Variants in VEGFC observed in about 807,000 individuals in gnomAD.
VEGFC encodes the protein FLT4 ligand DHM.
In VEGFC, 12 loss-of-function variants were observed where a neutral mutation model predicts 46.1. The observed-to-expected ratio is 0.26, with a 90% CI of 0.17 to 0.42. The LOEUF is 0.42. Ranked by LOEUF, VEGFC falls within the 10% of genes least tolerant of loss-of-function variation. The probability of loss-of-function intolerance (pLI) is 1.00; values close to 1 mark genes in which losing one functional copy is unlikely to be tolerated. For missense variants in VEGFC, 488 were observed against 529.4 expected, an observed-to-expected ratio of 0.92 and a Z score of 0.77; for synonymous variants, 232 against 195.5, an observed-to-expected ratio of 1.19 and a Z score of -1.56.
At chr4:176,701,896 T>C (rs890822621) in intron 4 of VEGFC, among the ~76,000 whole-genome samples, 5 of 152,204 alleles carry the variant, frequency 3.3e-5, no homozygotes, top group African/African-American at 1.2e-4. Flanking sequence ...TATCTCTCCA[T>C]TTCTGCTCTG....
rs745887816 is a variant in VEGFC at position 176,737,581 on chromosome 4, C to T, written c.148-7835G>A. Among the ~76,000 whole-genome samples, 33 of 150,756 alleles carry T rather than the reference C, an allele frequency of 2.2e-4. 1 individual carries two copies. The Middle Eastern group carries it at 0.024, about 109-fold the overall frequency. ...CCTTTCTTCACTTGATTAAAAAAGG[C>T]CCCAAATAATAATATAAATTCAGAT... On this transcript the variant is annotated intron_variant, in intron 1 of 6. Transcript: ENST00000618562.
At chr4:176,737,210 A>C (rs2111026601) in intron 1 of VEGFC, among the ~76,000 whole-genome samples, 1 of 148,766 alleles carries the variant, frequency 6.7e-6, no homozygotes, top group East Asian at 2.0e-4. Flanking sequence ...ATTATATTAT[A>C]AAGTTTGTTG....
intron 3 of VEGFC, among the ~76,000 whole-genome samples, chr4:176,715,877 AG>A (rs1168318320): frequency 6.6e-6 from 1 of 152,188 alleles, no homozygotes; most frequent in Non-Finnish European, 1.5e-5. Flanking sequence ...TACTCCACGA[AG>A]TATGTAAGAA....
At chr4:176,717,808 A>C (rs1213773221) in intron 3 of VEGFC, among the ~76,000 whole-genome samples, 1 of 152,116 alleles carries the variant, frequency 6.6e-6, no homozygotes, top group Non-Finnish European at 1.5e-5. Flanking sequence ...TTAAAACTAC[A>C]ACGAATTTAA....
At position 176,785,774 on chromosome 4, in the gene VEGFC, C is replaced by A. The variant is rs150638593; in HGVS notation, c.147+6391G>T. On this transcript the variant is annotated intron_variant, in intron 1 of 6. Coordinates refer to ENST00000618562, the MANE Select transcript of VEGFC (RefSeq NM_005429.5). ...ATTCTTAACCATGCAAGAAAGAACA[C>A]GTAAGTCACACTTGGCAGTCTGAAG... is the stretch of plus-strand genomic sequence containing the variant. Among the ~76,000 whole-genome samples the A allele has an allele frequency of 1.8e-3, 280 of 152,246 alleles. 2 individuals carry two copies. The highest frequency in any genetic ancestry group is 6.5e-3 in the African/African-American group (270 of 41,548).
intron 4 of VEGFC, among the ~76,000 whole-genome samples, chr4:176,702,975 CA>C (rs1734460311): frequency 6.6e-6 from 1 of 151,894 alleles, no homozygotes; most frequent in African/African-American, 2.4e-5. Flanking sequence ...ACTTAAAATA[CA>C]AAACACTCAA....
At chr4:176,784,810 C>G (rs772579063) in intron 1 of VEGFC, among the ~76,000 whole-genome samples, 43 of 129,646 alleles carry the variant, frequency 3.3e-4, no homozygotes, top group Non-Finnish European at 6.3e-4. Flanking sequence ...AAAACAGACA[C>G]AAAGAAAAAG....
chr4:176,789,737 T>C (rs553166942), intron 1 of VEGFC, among the ~76,000 whole-genome samples: 2 of 152,278 alleles, frequency 1.3e-5, no homozygotes, highest in South Asian at 4.1e-4. Flanking sequence ...ATCCAGTAAA[T>C]GCAAATATAA....
rs1008557279 is a variant in VEGFC at position 176,768,543 on chromosome 4, C to T, written c.147+23622G>A. Among the ~76,000 whole-genome samples the T allele has an allele frequency of 1.3e-4, 16 of 119,150 alleles. 1 individual carries two copies. The highest frequency in any genetic ancestry group is 6.2e-4 in the South Asian group (2 of 3,216). 78.2% of individuals were successfully genotyped at this position (119,150 alleles called of 152,430 possible). ...AATTTTTCTGAGTACTATGATATTT[C>T]GACATCTTAAAAAAAAGTTTATGGC... On this transcript the variant is annotated intron_variant, in intron 1 of 6. Coordinates refer to ENST00000618562, the MANE Select transcript of VEGFC (RefSeq NM_005429.5).
At chr4:176,760,207 T>A (rs936579246) in intron 1 of VEGFC, among the ~76,000 whole-genome samples, 1 of 152,164 alleles carries the variant, frequency 6.6e-6, no homozygotes, top group Non-Finnish European at 1.5e-5. Context: ...TAAGTTTTAA[T>A]GGTGATAGTA....
intron 1 of VEGFC, among the ~76,000 whole-genome samples, chr4:176,748,638 C>G (rs1453355200): frequency 6.6e-6 from 1 of 151,940 alleles, no homozygotes; most frequent in African/African-American, 2.4e-5. Flanking sequence ...ACAATTAAGA[C>G]TTTCAGGAAA....
chr4:176,740,267 T>C (rs1197464258), intron 1 of VEGFC, among the ~76,000 whole-genome samples: 2 of 121,502 alleles, frequency 1.6e-5, no homozygotes, highest in Non-Finnish European at 3.2e-5. Context: ...TATATATAAC[T>C]ATATATTCTC....
intron 1 of VEGFC, among the ~76,000 whole-genome samples, chr4:176,778,654 G>A (rs918067823): frequency 3.3e-5 from 5 of 151,948 alleles, no homozygotes; most frequent in African/African-American, 1.2e-4. Flanking sequence ...GATTTATAAG[G>A]GCTATTGTAA....
chr4:176,766,954 A>AG (rs1238907585), intron 1 of VEGFC, among the ~76,000 whole-genome samples: 1 of 51,052 alleles, frequency 2.0e-5, no homozygotes, highest in Non-Finnish European at 5.9e-5. Context: ...TTAATCATAG[A>AG]GGAAAAACAA....
Position 176,765,306 on chromosome 4 carries a change from T to C in VEGFC, c.147+26859A>G, listed in dbSNP as rs867351801. On this transcript the variant is annotated intron_variant, in intron 1 of 6. Transcript: ENST00000618562. Reference sequence around the variant, plus strand: ...AAAAAAGCATAATAGACATAGATGATTGGAAAAGTGACATAGAGATATAGA... The same window carrying C: ...AAAAAAGCATAATAGACATAGATGACTGGAAAAGTGACATAGAGATATAGA... Among the ~76,000 whole-genome samples the C allele has an allele frequency of 5.9e-5, 9 of 151,456 alleles. 1 individual carries two copies. In the Middle Eastern group the frequency reaches 0.014, roughly 229 times the overall value.
chr4:176,770,274 A>G (rs552915145), intron 1 of VEGFC, among the ~76,000 whole-genome samples: 3 of 152,370 alleles, frequency 2.0e-5, no homozygotes, highest in Non-Finnish European at 2.9e-5. Flanking sequence ...TAAAATTAAT[A>G]GGCCACATTT....
In VEGFC at chr4:176,687,869, T is replaced by C; in HGVS notation, c.763A>G (p.Arg255Gly). Residue 255 changes from arginine (R) to glycine (G), a missense_variant, in exon 5 of 7, where the codon AGA becomes GGA. Arg to Gly is a moderately radical substitution (Grantham distance 125, BLOSUM62 -2). Coordinates refer to ENST00000618562, the MANE Select transcript of VEGFC (RefSeq NM_005429.5). Reference protein sequence around the residue: ...TNYMWNNHICRCLAQEDFMFS... With the variant: ...TNYMWNNHICGCLAQEDFMFS... ...ATAAAATCTTCCTGAGCCAGGCATC[T>C]GCAGATGTGATTATTCCACATGTAA... The C allele has an allele frequency of 6.2e-7, 1 of 1,613,794 alleles. No homozygotes were observed.
chr4:176,728,907 G>A (rs1417757817), intron 2 of VEGFC, among the ~76,000 whole-genome samples: 1 of 152,022 alleles, frequency 6.6e-6, no homozygotes, highest in Non-Finnish European at 1.5e-5. Flanking sequence ...TTGCTGTGTT[G>A]TTCAGGCTGG....
At chr4:176,784,066 T>TTTTGG (rs1553998059) in intron 1 of VEGFC, among the ~76,000 whole-genome samples, 2 of 26,282 alleles carry the variant, frequency 7.6e-5, no homozygotes, top group Non-Finnish European at 4.9e-4. Flanking sequence ...ACATGCTGTT[T>TTTTGG]TTTTTTTTTT....
Sources: allele counts gnomAD v4.1 joint callset (sites outside exome capture counted in the v4.1 genomes callset), GRCh38; gene constraint gnomAD v4.1.1; transcripts MANE v1.5; gene names NCBI Gene and HGNC (gene_info 2026-07-23, HGNC 2026-07-21).